The following EPHA6 variants were observed in gnomAD, a reference collection of about 807,000 sequenced individuals.
The protein encoded by EPHA6 is EPH receptor A6.
In EPHA6, 50 loss-of-function variants were observed where a neutral mutation model predicts 112.0. The ratio of observed to expected loss-of-function variants is 0.45; its 90% CI spans 0.36 to 0.56. The LOEUF (loss-of-function observed/expected upper bound fraction) is 0.56. EPHA6 is among the 20% of genes least tolerant of loss of function. The probability of loss-of-function intolerance (pLI) is 0.00; values close to 1 mark genes in which losing one functional copy is unlikely to be tolerated. For missense variants in EPHA6, 1,280 were observed against 1,417.4 expected, an observed-to-expected ratio of 0.90 and a Z score of 1.56; for synonymous variants, 529 against 490.7, an observed-to-expected ratio of 1.08 and a Z score of -1.03.
At position 97,237,182 on chromosome 3, in the gene EPHA6, A is replaced by AT. The variant is rs5851056; in HGVS notation, c.1271-6758dup. On this transcript the variant is annotated intron_variant, in intron 4 of 17. Coordinates refer to ENST00000389672, the MANE Select transcript of EPHA6 (RefSeq NM_001080448.3). ...CGACAGTTTGTTTTTTTTGTTTTTG[A>AT]TTTTTTTTTTTTACCTCAAGCAAGC... Among the ~76,000 whole-genome samples, 2,169 of 144,552 alleles carry AT rather than the reference A, an allele frequency of 0.015. 101 individuals carry two copies. In the East Asian group the frequency reaches 0.19, roughly 13 times the overall value. 94.8% of individuals were successfully genotyped at this position (144,552 alleles called of 152,430 possible). A position where few individuals can be genotyped will look rare whatever the true frequency, so the allele number is the denominator to read the frequency against.
chr3:97,691,419 G>A (rs1312890324), intron 14 of EPHA6, among the ~76,000 whole-genome samples: 3 of 152,046 alleles, frequency 2.0e-5, no homozygotes, highest in Non-Finnish European at 4.4e-5. Flanking sequence ...CAGCTGTTGT[G>A]GGCCCCTTGT....
At chr3:97,479,265 C>A (rs538447837) in intron 8 of EPHA6, 29 bp from the exon 9 acceptor site, 22 of 1,466,442 alleles carry the variant, frequency 1.5e-5, no homozygotes. Flanking sequence ...CTTCTTAAAA[C>A]AAGTTTTTTT....
rs1280056381 is a variant in EPHA6, at chr3:97,749,221, G to A, written c.*520G>A. On this transcript the variant is annotated 3_prime_UTR_variant, in exon 18 of 18. Transcript: ENST00000389672. ...ACTTTAACTGTTGGTGCCTGATATTGTTAGAATTATTTGCAGAAATGACCA... is the reference window on the plus strand; with the variant it reads ...ACTTTAACTGTTGGTGCCTGATATTATTAGAATTATTTGCAGAAATGACCA... 2 of 219,010 alleles carry A rather than the reference G, an allele frequency of 9.1e-6. No homozygotes were observed. The highest frequency in any genetic ancestry group is 6.7e-5 in the East Asian group (1 of 14,868). 13.6% of individuals were successfully genotyped at this position (219,010 alleles called of 1,614,324 possible). A position where few individuals can be genotyped will look rare whatever the true frequency, so the allele number is the denominator to read the frequency against.
rs1054613257 is a variant in EPHA6, at chr3:97,558,468, C to T, written c.2386+25925C>T. On this transcript the variant is annotated intron_variant, in intron 11 of 17. Transcript: ENST00000389672. ...CTTCTGAGACATTATTTACTGTTTT[C>T]CCTTCATGGTTATTTCCTATCTCTC... Among the ~76,000 whole-genome samples, 7 of 151,942 alleles carry T rather than the reference C, an allele frequency of 4.6e-5. No homozygotes were observed. In the East Asian group the frequency reaches 9.6e-4, roughly 21 times the overall value.
intron 1 of EPHA6, among the ~76,000 whole-genome samples, chr3:96,844,488 C>T (rs943874801): frequency 6.6e-6 from 1 of 152,054 alleles, no homozygotes; most frequent in Non-Finnish European, 1.5e-5. Flanking sequence ...ACTGCTTCCA[C>T]CTCTCAAAAA....
At position 96,987,815 on chromosome 3, in the gene EPHA6, T is replaced by A. The variant is rs968162652; in HGVS notation, c.936T>A (p.Pro312=). ...PFTVRNLAMF[P]DTIPRVDSSS... ...CTGTTCGTAACTTGGCCATGTTTCC[T>A]GATACCATTCCAAGGGTTGATTCCT... Residue 312 remains proline (P), a synonymous_variant, in exon 3 of 18, where the codon CCT becomes CCA. Transcript: ENST00000389672. The A allele has an allele frequency of 1.9e-6, 3 of 1,614,030 alleles. No homozygotes were observed. Among genetic ancestry groups the A allele is most frequent in the Middle Eastern group, 3.3e-4 (2 of 6,062 alleles).
At chr3:96,990,145 T>C (rs540780197) in intron 3 of EPHA6, among the ~76,000 whole-genome samples, 5 of 152,344 alleles carry the variant, frequency 3.3e-5, no homozygotes, top group South Asian at 2.1e-4. Context: ...TTATGTGATT[T>C]GCTATTACTA....
rs530534686 is a variant in EPHA6, at chr3:97,429,732, C to A, written c.1732-18836C>A. Among the ~76,000 whole-genome samples the A allele has an allele frequency of 4.5e-3, 683 of 152,254 alleles. 6 individuals are homozygous for A. The highest frequency in any genetic ancestry group is 0.015 in the African/African-American group (635 of 41,550). On this transcript the variant is annotated intron_variant, in intron 6 of 17. Transcript: ENST00000389672. The stretch of plus-strand genomic sequence containing the variant: ...GCAGCTTCTATAATTTTAAACAAAT[C>A]CATTCTTCAAACCAAACCAAAGATA...
rs28849147 is a variant in EPHA6 at position 96,938,516 on chromosome 3, A to G, written c.451-48814A>G. Reference sequence around the variant, plus strand: ...GCTTAAGGAGATTTTGTGCTGAGACAATGGGATTTTCTAGATATACAATCA... The same window carrying G: ...GCTTAAGGAGATTTTGTGCTGAGACGATGGGATTTTCTAGATATACAATCA... On this transcript the variant is annotated intron_variant, in intron 2 of 17. Transcript: ENST00000389672. Among the ~76,000 whole-genome samples, 10 of 152,266 alleles carry G rather than the reference A, an allele frequency of 6.6e-5. No individual in the cohort carries two copies. The East Asian group carries it at 1.9e-3, about 30-fold the overall frequency.
At chr3:97,651,854 CT>C (rs575519837) in intron 14 of EPHA6, among the ~76,000 whole-genome samples, 14 of 148,300 alleles carry the variant, frequency 9.4e-5, no homozygotes, top group Admixed American at 1.3e-4. Flanking sequence ...TTTTTTGTAA[CT>C]TTTTTTTTTA....
chr3:97,511,950 T>A lies in EPHA6; in HGVS notation c.2201-20408T>A, dbSNP rs182259007. On this transcript the variant is annotated intron_variant, in intron 10 of 17. Transcript: ENST00000389672. Reference sequence around the variant, plus strand: ...TTAATTTGTGGAATTATTTCCTTCCTAGAAGGATATATAATAATAGTTCAA... The same window carrying A: ...TTAATTTGTGGAATTATTTCCTTCCAAGAAGGATATATAATAATAGTTCAA... Among the ~76,000 whole-genome samples, 591 of 152,250 alleles carry A rather than the reference T, an allele frequency of 3.9e-3. 4 individuals carry two copies. Among genetic ancestry groups the A allele is most frequent in the African/African-American group, 0.013 (533 of 41,562 alleles).
At position 97,108,831 on chromosome 3, in the gene EPHA6, CAT is replaced by C. The variant is rs376368943; in HGVS notation, c.1115-117432_1115-117431del. On this transcript the variant is annotated intron_variant, in intron 3 of 17. Coordinates refer to ENST00000389672, the MANE Select transcript of EPHA6 (RefSeq NM_001080448.3). Reference sequence around the variant, plus strand: ...ATTATTGAGAATTTTCAGGTGTTAACATGTGTTCTAATGATTATAGTTTACAG... The same window carrying C: ...ATTATTGAGAATTTTCAGGTGTTAACGTGTTCTAATGATTATAGTTTACAG... 3.0e-3 allele frequency among the ~76,000 whole-genome samples: 464 copies of C among 152,254 alleles called. 1 individual carries two copies. Among genetic ancestry groups the C allele is most frequent in the African/African-American group, 0.01 (428 of 41,558 alleles).
chr3:97,098,854 C>T (rs1576484956), intron 3 of EPHA6, among the ~76,000 whole-genome samples: 1 of 151,798 alleles, frequency 6.6e-6, no homozygotes, highest in Non-Finnish European at 1.5e-5. Context: ...TGGTTGGTAA[C>T]AAATTGGTGG....
intron 15 of EPHA6, among the ~76,000 whole-genome samples, chr3:97,722,687 G>GA (rs1476649252): frequency 6.6e-6 from 1 of 151,708 alleles, no homozygotes; most frequent in South Asian, 2.1e-4. Flanking sequence ...TGCTATGGGG[G>GA]AAAAAAGCAA....
At chr3:97,420,193 T>C (rs1338700956) in intron 6 of EPHA6, among the ~76,000 whole-genome samples, 3 of 152,008 alleles carry the variant, frequency 2.0e-5, no homozygotes, top group African/African-American at 7.2e-5. Flanking sequence ...CATCCATAAA[T>C]CTCTCATATA....
At chr3:97,624,569 A>C (rs2093840314) in intron 13 of EPHA6, among the ~76,000 whole-genome samples, 1 of 151,556 alleles carries the variant, frequency 6.6e-6, no homozygotes, top group Non-Finnish European at 1.5e-5. Context: ...TCATGGAATG[A>C]ATCAAAATGT....
chr3:97,402,494 T>G (rs2087052802), intron 5 of EPHA6, among the ~76,000 whole-genome samples: 1 of 152,092 alleles, frequency 6.6e-6, no homozygotes, highest in Admixed American at 6.6e-5. Flanking sequence ...TGGAATGTCT[T>G]TTTCCATTCC....
chr3:97,341,668 A>G (rs1399944112), intron 5 of EPHA6, among the ~76,000 whole-genome samples: 2 of 152,246 alleles, frequency 1.3e-5, no homozygotes, highest in African/African-American at 2.4e-5. Context: ...AGTGTAACAT[A>G]TAGGAAACAT....
chr3:97,440,368 T>C (rs1002866937), intron 6 of EPHA6, among the ~76,000 whole-genome samples: 12 of 152,030 alleles, frequency 7.9e-5, no homozygotes, highest in South Asian at 2.1e-4. Flanking sequence ...AAGAATTTTC[T>C]AAAGAGTTTG....
Sources: allele counts gnomAD v4.1 joint callset (sites outside exome capture counted in the v4.1 genomes callset), GRCh38; gene constraint gnomAD v4.1.1; transcripts MANE v1.5; gene names NCBI Gene and HGNC (gene_info 2026-07-23, HGNC 2026-07-21).